The following EVI5 variants were observed in gnomAD, a reference collection of about 807,000 sequenced individuals.
EVI5 encodes ecotropic viral integration site 5 protein homolog.
Under a neutral mutation model 112.0 loss-of-function variants are expected in EVI5, and 73 were observed. That is an observed-to-expected ratio of 0.65 (90% CI 0.54 to 0.79). EVI5 has a LOEUF of 0.79. Among genes scored for constraint, EVI5 ranks in the 30% least tolerant of loss-of-function variants. The pLI, the probability that EVI5 is intolerant of heterozygous loss-of-function variation, is 0.00. For missense variants in EVI5, 900 were observed against 968.8 expected, an observed-to-expected ratio of 0.93 and a Z score of 0.94; for synonymous variants, 305 against 319.9, an observed-to-expected ratio of 0.95 and a Z score of 0.50.
chr1:92,601,731 T>C (rs937411933), intron 18 of EVI5, among the ~76,000 whole-genome samples: 2 of 152,102 alleles, frequency 1.3e-5, no homozygotes, highest in African/African-American at 2.4e-5. Flanking sequence ...TTGGAAGATG[T>C]TAAAAAAAAT....
Position 92,513,767 on chromosome 1 carries a change from A to G in EVI5, c.2370T>C (p.Asp790=). Residue 790 remains aspartate, a synonymous_variant, in exon 20 of 20, where the codon GAT becomes GAC. Transcript: ENST00000684568. ...GSMSLDPAVA[D]GSESETEDSV... Reference sequence around the variant, plus strand: ...TGTCTTCTGTTTCGCTCTCACTACCATCTGCCACTGCGGGGTCCAAAGACA... The same window carrying G: ...TGTCTTCTGTTTCGCTCTCACTACCGTCTGCCACTGCGGGGTCCAAAGACA... 1 of 1,613,448 alleles carries G rather than the reference A, an allele frequency of 6.2e-7. No individual in the cohort carries two copies. Among genetic ancestry groups the G allele is most frequent in the Non-Finnish European group, 8.5e-7 (1 of 1,179,824 alleles).
At chr1:92,612,507 G>A (rs780082620) in intron 16 of EVI5, among the ~76,000 whole-genome samples, 9 of 151,780 alleles carry the variant, frequency 5.9e-5, no homozygotes, top group East Asian at 1.9e-4. Flanking sequence ...TCAGGAGTTC[G>A]ACACTAGCCT....
chr1:92,514,275 T>A (rs1443864759), intron 19 of EVI5, among the ~76,000 whole-genome samples: 1 of 152,114 alleles, frequency 6.6e-6, no homozygotes, highest in African/African-American at 2.4e-5. Flanking sequence ...CACCTCAGCC[T>A]CCTGAGTAGC....
At chr1:92,764,365 C>T (rs55954861) in intron 1 of EVI5, among the ~76,000 whole-genome samples, 1 of 152,140 alleles carries the variant, frequency 6.6e-6, no homozygotes, top group Non-Finnish European at 1.5e-5. Context: ...TTAGCATTTT[C>T]AATGTTTGTT....
intron 1 of EVI5, among the ~76,000 whole-genome samples, chr1:92,776,087 G>A (rs995428745): frequency 2.7e-4 from 38 of 142,910 alleles, no homozygotes; most frequent in Middle Eastern, 3.8e-3. Flanking sequence ...CAGCCTGGGC[G>A]ACAGAGCAAG....
intron 18 of EVI5, among the ~76,000 whole-genome samples, chr1:92,575,074 A>G (rs1319002273): frequency 6.6e-6 from 1 of 152,222 alleles, no homozygotes; most frequent in East Asian, 1.9e-4. Flanking sequence ...GGAGGCAAAT[A>G]TAAAAGCATC....
chr1:92,755,173 C>T (rs951472566), intron 1 of EVI5, among the ~76,000 whole-genome samples: 3 of 147,410 alleles, frequency 2.0e-5, no homozygotes, highest in African/African-American at 7.5e-5. Flanking sequence ...CTTTGAGAGG[C>T]TGAGGTGGGT....
chr1:92,550,650 G>T lies in EVI5; in HGVS notation c.2166+12992C>A, dbSNP rs1041928550. Among the ~76,000 whole-genome samples the T allele has an allele frequency of 2.9e-4, 42 of 145,134 alleles. 2 individuals carry two copies. The highest frequency in any genetic ancestry group is 1.0e-3 in the African/African-American group (41 of 39,494). ...TAGTCCCAGCTACTTGGGAGGCTGA[G>T]GCAGGGGAATGGTGTGAACCTGGGA... On this transcript the variant is annotated intron_variant, in intron 19 of 19. Transcript: ENST00000684568.
chr1:92,758,836 T>C (rs183854010), intron 1 of EVI5, among the ~76,000 whole-genome samples: 4 of 150,186 alleles, frequency 2.7e-5, no homozygotes, highest in African/African-American at 9.8e-5. Context: ...GAATGAGACC[T>C]ACACATCAAA....
At chr1:92,616,319 T>C (rs893508339) in intron 16 of EVI5, among the ~76,000 whole-genome samples, 2 of 152,184 alleles carry the variant, frequency 1.3e-5, no homozygotes, top group Non-Finnish European at 2.9e-5. Context: ...TCAGATCTAA[T>C]GGTGGGAACC....
intron 19 of EVI5, among the ~76,000 whole-genome samples, chr1:92,557,233 TTC>T (rs1667811458): frequency 6.6e-6 from 1 of 152,026 alleles, no homozygotes; most frequent in Non-Finnish European, 1.5e-5. Context: ...ACCAAAATAG[TTC>T]TTTTTTTTTT....
rs1658819968 is a variant in EVI5, at chr1:92,636,317, T to C, written c.1412A>G (p.Tyr471Cys). Residue 471 changes from tyrosine to cysteine, a missense_variant, in exon 14 of 20, where the codon TAC becomes TGC. By Grantham distance (194) the Tyr-to-Cys change is radical (BLOSUM62 -2). Coordinates refer to ENST00000684568, the MANE Select transcript of EVI5 (RefSeq NM_001350197.2). The stretch of plus-strand genomic sequence containing the variant: ...TAGCTGTAGCACAAAATCTTCGTTG[T>C]AGTTGGAACTGCATTTATGCTAAAG... ...QQQWHKCSSN[Y>C]NEDFVLQLEK... 13 of 1,613,670 alleles carry C rather than the reference T, an allele frequency of 8.1e-6. No homozygotes were observed. The highest frequency in any genetic ancestry group is 1.1e-5 in the Non-Finnish European group (13 of 1,179,712).
At chr1:92,567,033 C>T (rs969807251) in intron 18 of EVI5, among the ~76,000 whole-genome samples, 1 of 152,026 alleles carries the variant, frequency 6.6e-6, no homozygotes, top group Non-Finnish European at 1.5e-5. Flanking sequence ...TCTTGAACTC[C>T]TGGCCTCAAG....
rs896870514 is a variant in EVI5, at chr1:92,706,360, C to G, written c.150-1616G>C. Among the ~76,000 whole-genome samples the G allele has an allele frequency of 5.9e-5, 9 of 152,160 alleles. 1 individual carries two copies. Among genetic ancestry groups the G allele is most frequent in the Admixed American group, 3.9e-4 (6 of 15,284 alleles). On this transcript the variant is annotated intron_variant, in intron 2 of 19. Transcript: ENST00000684568. ...AAAATTAGTTTACATAGGTAATTTT[C>G]CACATGATTCTAAACCCTAAGAATT...
chr1:92,732,328 T>A (rs1676611534), intron 2 of EVI5: 3 of 395,036 alleles, frequency 7.6e-6, no homozygotes, highest in African/African-American at 2.1e-5. Flanking sequence ...CTTACATGAC[T>A]GCCACTCAGT....
intron 2 of EVI5, among the ~76,000 whole-genome samples, chr1:92,724,608 G>A (rs1675273525): frequency 6.6e-6 from 1 of 152,164 alleles, no homozygotes; most frequent in East Asian, 1.9e-4. Context: ...AGGCGTTCGA[G>A]ACAAGCCTGG....
chr1:92,719,937 A>C (rs2102686728), intron 2 of EVI5, among the ~76,000 whole-genome samples: 1 of 152,192 alleles, frequency 6.6e-6, no homozygotes, highest in Non-Finnish European at 1.5e-5. Flanking sequence ...TGCTACAAAT[A>C]GAATAAAACA....
chr1:92,677,293 A>C, intron 9 of EVI5, 75 bp from the exon 10 acceptor site: 1 of 735,124 alleles, frequency 1.4e-6, no homozygotes, highest in South Asian at 1.9e-5. Flanking sequence ...AAATTTAAAA[A>C]TACATATGAA....
chr1:92,673,908 A>C (rs927352284), intron 10 of EVI5, among the ~76,000 whole-genome samples: 5 of 152,224 alleles, frequency 3.3e-5, no homozygotes, highest in African/African-American at 1.2e-4. Context: ...ATTTAATTAA[A>C]GTAAAAACAA....
Sources: gnomAD v4.1 joint callset for allele counts (sites outside exome capture counted in the v4.1 genomes callset) on GRCh38, gnomAD v4.1.1 for gene constraint, MANE v1.5 for transcripts, NCBI Gene and HGNC (gene_info 2026-07-23, HGNC 2026-07-21) for gene names.